Variants in PLCZ1 observed in about 807,000 individuals in gnomAD.
PLCZ1 encodes the protein phospholipase C zeta 1, also known as 1-phosphatidylinositol 4,5-bisphosphate phosphodiesterase zeta-1.
In PLCZ1, 64 loss-of-function variants were observed where a neutral mutation model predicts 76.8. That is an observed-to-expected ratio of 0.83 (90% CI 0.68 to 1.03). The LOEUF is 1.03. Ranked by LOEUF, PLCZ1 falls within the 50% of genes least tolerant of loss-of-function variation. The pLI is 0.00. For missense variants in PLCZ1, 751 were observed against 713.7 expected (o/e 1.05, Z -0.60); for synonymous variants, 248 against 230.8 (o/e 1.07, Z -0.68).
chr12:18,701,511 T>A lies in PLCZ1; in HGVS notation c.1007A>T (p.Lys336Met). The change falls in exon 9 of 15, where the codon AAG becomes ATG. Residue 336 changes from lysine to methionine, a missense_variant. Coordinates refer to ENST00000266505, the MANE Select transcript of PLCZ1 (RefSeq NM_033123.4). ...VKKLPGVMLF[K>M]KKKTRKLKIA... ...AAAACACCACCTCACCTTCTTTTTCTTGAAAAGCATTACTCCAGGTAACTT... is the reference window on the plus strand; with the variant it reads ...AAAACACCACCTCACCTTCTTTTTCATGAAAAGCATTACTCCAGGTAACTT... 6.2e-7 allele frequency: 1 copy of A among 1,614,138 alleles called. No homozygotes were observed. Among genetic ancestry groups the A allele is most frequent in the Non-Finnish European group, 8.5e-7 (1 of 1,180,006 alleles).
the PLCZ1 span, among the ~76,000 whole-genome samples, chr12:18,660,678 C>A: frequency 1.1e-3 from 165 of 152,088 alleles, no homozygotes; most frequent in Middle Eastern, 6.8e-3. Flanking sequence ...ACAGATACAG[C>A]AAATTCTGGG....
chr12:18,685,567 A>G (rs1591976648), intron 13 of PLCZ1: 1 of 488,628 alleles, frequency 2.0e-6, no homozygotes, highest in East Asian at 5.6e-5. Flanking sequence ...ACAAGAGCAC[A>G]TTTACCACAT....
the PLCZ1 span, among the ~76,000 whole-genome samples, chr12:18,675,113 G>C: frequency 6.6e-6 from 1 of 152,162 alleles, no homozygotes; most frequent in Non-Finnish European, 1.5e-5. Context: ...AATGTGGCTA[G>C]AGAACAAAAT....
chr12:18,652,133 C>G, the PLCZ1 span, among the ~76,000 whole-genome samples: 1 of 151,948 alleles, frequency 6.6e-6, no homozygotes, highest in Non-Finnish European at 1.5e-5. Flanking sequence ...GAAGTCCTAA[C>G]CCCAGGTACC....
intron 5 of PLCZ1, among the ~76,000 whole-genome samples, chr12:18,717,741 C>A (rs139256849): frequency 5.4e-4 from 82 of 152,178 alleles, no homozygotes; most frequent in African/African-American, 2.0e-3. Flanking sequence ...CCTCTCTTTC[C>A]CTCATATCTC....
At chr12:18,687,991 G>C in intron 13 of PLCZ1, 98 bp downstream of exon 13, 3 of 1,499,240 alleles carry the variant, frequency 2.0e-6, no homozygotes, top group Non-Finnish European at 2.7e-6. Context: ...CTTGTCTTAT[G>C]AATAATAAAT....
intron 12 of PLCZ1, chr12:18,693,040 T>C: frequency 6.9e-7 from 1 of 1,455,158 alleles, no homozygotes; most frequent in South Asian, 1.1e-5. Context: ...ATGAAACCAT[T>C]AGAAGAAAAG....
intron 10 of PLCZ1, among the ~76,000 whole-genome samples, chr12:18,698,029 T>C (rs1955328589): frequency 6.6e-6 from 1 of 151,488 alleles, no homozygotes; most frequent in African/African-American, 2.4e-5. Flanking sequence ...TTATAATTAA[T>C]TTATGCTGTG....
chr12:18,706,284 A>G (rs1443569859), intron 6 of PLCZ1, among the ~76,000 whole-genome samples: 1 of 152,100 alleles, frequency 6.6e-6, no homozygotes. Flanking sequence ...CTATACTGCT[A>G]TAGAAAGTTA....
intron 7 of PLCZ1, among the ~76,000 whole-genome samples, chr12:18,702,451 C>T (rs948766325): frequency 5.9e-5 from 9 of 152,104 alleles, no homozygotes; most frequent in East Asian, 1.9e-4. Context: ...ATTTAAGTAC[C>T]GGCTCTGTTA....
At chr12:18,654,929 CACTT>C in the PLCZ1 span, among the ~76,000 whole-genome samples, 1 of 151,936 alleles carries the variant, frequency 6.6e-6, no homozygotes, top group Non-Finnish European at 1.5e-5. Flanking sequence ...AGAAAAAAGA[CACTT>C]AGTTCTGGGA....
At chr12:18,682,553 A>C (rs886218289), downstream of PLCZ1, among the ~76,000 whole-genome samples, 6 of 152,108 alleles carry the variant, frequency 3.9e-5, no homozygotes, top group Non-Finnish European at 8.8e-5. Flanking sequence ...CTGACCAAGA[A>C]ACCATCTTGA....
At chr12:18,648,114 T>C in the PLCZ1 span, 863 of 791,298 alleles carry the variant, frequency 1.1e-3, 4 homozygotes, top group Non-Finnish European at 1.6e-3. Context: ...TAAGGCATCT[T>C]TGTTGTCAAA....
At chr12:18,682,570 A>G (rs1003602026), downstream of PLCZ1, among the ~76,000 whole-genome samples, 22 of 152,078 alleles carry the variant, frequency 1.4e-4, no homozygotes, top group Non-Finnish European at 2.6e-4. Context: ...TTGAAAGTAT[A>G]TTTAGTATAG....
Position 18,712,953 on chromosome 12 carries a change from A to T in PLCZ1, c.603T>A (p.Ile201=), listed in dbSNP as rs115802550. The T allele has an allele frequency of 6.1e-4, 986 of 1,614,024 alleles. 7 individuals are homozygous for T. The African/African-American group carries it at 0.012, about 20-fold the overall frequency. ...CATTTTGTGCTCCATCCCAGCAGTC[A>T]ATCTCCAAACAACGGCATCCTTTCA... ...ALVKGCRCLE[I]DCWDGAQNEP... Residue 201 remains isoleucine (I), a synonymous_variant, in exon 6 of 15, where the codon ATT becomes ATA. Transcript: ENST00000266505.
chr12:18,697,472 A>C (rs58297740), intron 10 of PLCZ1, among the ~76,000 whole-genome samples: 25,036 of 152,092 alleles, frequency 0.16, 2,292 homozygotes, highest in African/African-American at 0.23. Flanking sequence ...TCATTTACAA[A>C]GTAATAAATG....
intron 12 of PLCZ1, chr12:18,693,312 G>A: frequency 6.5e-7 from 1 of 1,536,208 alleles, no homozygotes; most frequent in East Asian, 2.3e-5. Flanking sequence ...GGTGGAAAAG[G>A]CCCCCCAAGA....
intron 6 of PLCZ1, among the ~76,000 whole-genome samples, chr12:18,707,581 A>G (rs186057463): frequency 6.6e-6 from 1 of 152,282 alleles, no homozygotes; most frequent in African/African-American, 2.4e-5. Context: ...TAAGAGTCAT[A>G]CTTATGAGGG....
intron 6 of PLCZ1, among the ~76,000 whole-genome samples, chr12:18,709,726 A>T (rs977375516): frequency 6.6e-6 from 1 of 152,044 alleles, no homozygotes; most frequent in African/African-American, 2.4e-5. Context: ...AAGGGAAAAA[A>T]AACCCTGTGT....
Sources: gnomAD v4.1 joint callset for allele counts (sites outside exome capture counted in the v4.1 genomes callset) on GRCh38, gnomAD v4.1.1 for gene constraint, MANE v1.5 for transcripts, NCBI Gene and HGNC (gene_info 2026-07-23, HGNC 2026-07-21) for gene names.